The following KCNIP3 variants were observed in gnomAD, a reference collection of about 807,000 sequenced individuals.
The protein encoded by KCNIP3 is potassium voltage-gated channel interacting protein 3, also known as calsenilin.
KCNIP3 carries 28 observed loss-of-function variants against 35.0 expected under a neutral mutation model. The observed-to-expected ratio is 0.80, with a 90% confidence interval of 0.59 to 1.10. The LOEUF (loss-of-function observed/expected upper bound fraction) is 1.10, where lower values mean the gene tolerates loss of function less well. Ranked by LOEUF, KCNIP3 falls within the 50% of genes least tolerant of loss-of-function variation. KCNIP3 has a pLI of 0.00. For missense variants in KCNIP3, 295 were observed against 338.4 expected, an observed-to-expected ratio of 0.87 and a Z score of 1.01; for synonymous variants, 134 against 133.8, an observed-to-expected ratio of 1.00 and a Z score of -0.01.
Position 95,378,625 on chromosome 2 carries a change from A to AGGCC in KCNIP3, c.448-2971_448-2970insGGCC, listed in dbSNP as rs1232126617. Among the ~76,000 whole-genome samples, 1 of 151,646 alleles carries AGGCC rather than the reference A, an allele frequency of 6.6e-6. No homozygotes were observed. The highest frequency in any genetic ancestry group is 1.5e-5 in the Non-Finnish European group (1 of 67,924). On this transcript the variant is annotated intron_variant, in intron 5 of 8. Coordinates refer to ENST00000295225, the MANE Select transcript of KCNIP3 (RefSeq NM_013434.5). The surrounding 1 kb of genome is among the most constrained non-coding windows in gnomAD (Gnocchi z 4.0). ...GCTGGGCATGGTGGCGGGTGCCTAT[A>AGGCC]ATTCCAGCTGCTTGGGAGGCTGAGG... is the stretch of plus-strand genomic sequence containing the variant.
intron 2 of KCNIP3, among the ~76,000 whole-genome samples, chr2:95,334,766 G>C (rs185580970): frequency 5.9e-5 from 9 of 152,330 alleles, no homozygotes; most frequent in Admixed American, 5.9e-4. Context: ...AGCAGGGTGA[G>C]GGGCTCACAG....
chr2:95,374,328 G>C lies in KCNIP3; in HGVS notation c.214G>C (p.Val72Leu). 2 of 1,614,126 alleles carry C rather than the reference G, an allele frequency of 1.2e-6. No individual in the cohort carries two copies. The highest frequency in any genetic ancestry group is 1.7e-6 in the Non-Finnish European group (2 of 1,179,984). Residue 72 changes from valine (V) to leucine (L), a missense_variant, in exon 3 of 9, where the codon GTG becomes CTG. By Grantham distance (32) the Val-to-Leu change is conservative. Coordinates refer to ENST00000295225, the MANE Select transcript of KCNIP3 (RefSeq NM_013434.5). ...CGACAGTGAGCTGGAGCTGTCCACG[G>C]TGCGCCACCAGCCAGAGGGGCTGGA... Reference protein sequence around the residue: ...SSDSELELSTVRHQPEGLDQL... With the variant: ...SSDSELELSTLRHQPEGLDQL...
chr2:95,325,665 TCATACACATACACA>T (rs1678725266), intron 2 of KCNIP3, among the ~76,000 whole-genome samples: 1 of 133,642 alleles, frequency 7.5e-6, no homozygotes, highest in Admixed American at 8.0e-5. Flanking sequence ...AGATACACAC[TCATACACATACACA>T]CTCATACACA....
At chr2:95,327,767 C>T (rs1678831460) in intron 2 of KCNIP3, among the ~76,000 whole-genome samples, 1 of 152,186 alleles carries the variant, frequency 6.6e-6, no homozygotes, top group Non-Finnish European at 1.5e-5. Context: ...TCTGTTTGTC[C>T]ATCTATCCGT....
At chr2:95,380,971 C>T (rs1156684956) in intron 5 of KCNIP3, among the ~76,000 whole-genome samples, 1 of 152,236 alleles carries the variant, frequency 6.6e-6, no homozygotes, top group Non-Finnish European at 1.5e-5. Context: ...ATGATGGCGA[C>T]TGGTGACAGT....
At chr2:95,361,939 T>C (rs973289690) in intron 2 of KCNIP3, among the ~76,000 whole-genome samples, 2 of 152,110 alleles carry the variant, frequency 1.3e-5, no homozygotes, top group African/African-American at 4.8e-5. Context: ...CAGAAATGTA[T>C]TTTCTCCCAG....
At position 95,371,234 on chromosome 2, in the gene KCNIP3, C is replaced by A. The variant is rs72821419; in HGVS notation, c.182-3062C>A. 3.3e-3 allele frequency among the ~76,000 whole-genome samples: 502 copies of A among 152,222 alleles called. 6 individuals carry two copies. Among genetic ancestry groups the A allele is most frequent in the Non-Finnish European group, 5.3e-3 (363 of 68,028 alleles). On this transcript the variant is annotated intron_variant, in intron 2 of 8. Transcript: ENST00000295225. ...AAAGGAATTGAAAGCAATAAATTTC[C>A]CTGTCAGCCCAGCTTTACCTGCATC... is the stretch of plus-strand genomic sequence containing the variant.
intron 2 of KCNIP3, chr2:95,311,054 G>C (rs1678301861): frequency 6.0e-6 from 1 of 166,544 alleles, no homozygotes; most frequent in Non-Finnish European, 1.3e-5. Context: ...CATTCTGGTG[G>C]TGTGTTAACG....
chr2:95,351,062 A>G (rs1217719807), intron 2 of KCNIP3, among the ~76,000 whole-genome samples: 1 of 152,212 alleles, frequency 6.6e-6, no homozygotes, highest in African/African-American at 2.4e-5. Flanking sequence ...CTTGGTAGAA[A>G]TGCATCTTCA....
intron 1 of KCNIP3, among the ~76,000 whole-genome samples, chr2:95,299,480 C>CA (rs1454712685): frequency 6.6e-6 from 1 of 152,230 alleles, no homozygotes; most frequent in Non-Finnish European, 1.5e-5. Flanking sequence ...GCCTACTCCC[C>CA]AGCCATTCAT....
intron 2 of KCNIP3, among the ~76,000 whole-genome samples, chr2:95,356,952 G>A (rs377092185): frequency 2.4e-4 from 36 of 152,286 alleles, no homozygotes; most frequent in East Asian, 2.3e-3. Flanking sequence ...TCTTCATCCC[G>A]TGCCCTGTAG....
intron 5 of KCNIP3, among the ~76,000 whole-genome samples, chr2:95,375,534 T>G (rs1680163132): frequency 2.0e-5 from 3 of 152,010 alleles, no homozygotes; most frequent in Admixed American, 2.0e-4. Flanking sequence ...GGATCAGGGC[T>G]TAACTCAGAG....
chr2:95,368,741 C>A, intron 2 of KCNIP3: 1 of 245,934 alleles, frequency 4.1e-6, no homozygotes, highest in South Asian at 7.9e-5. Context: ...CACTTTGTCT[C>A]CTTCCTGACT....
chr2:95,379,558 T>G (rs1381508904), intron 5 of KCNIP3, among the ~76,000 whole-genome samples: 1 of 152,250 alleles, frequency 6.6e-6, no homozygotes, highest in African/African-American at 2.4e-5. Flanking sequence ...CTCTGTGTGT[T>G]CAGGGGCTTA....
chr2:95,367,792 G>T (rs1210803374), intron 2 of KCNIP3, among the ~76,000 whole-genome samples: 1 of 135,754 alleles, frequency 7.4e-6, no homozygotes, highest in African/African-American at 2.8e-5. Context: ...ATGGAGTCTC[G>T]CTCTTGTTTC....
Position 95,384,041 on chromosome 2 carries a change from G to A in KCNIP3, c.763G>A (p.Val255Ile), listed in dbSNP as rs143143467. 3 of 1,613,820 alleles carry A rather than the reference G, an allele frequency of 1.9e-6. No homozygotes were observed. In the African/African-American group the frequency reaches 4.0e-5, roughly 22 times the overall value. The change falls in exon 9 of 9, where the codon GTC (valine) becomes ATC (isoleucine). Residue 255 changes from valine to isoleucine, a missense_variant. Val to Ile is a conservative substitution (Grantham distance 29). Transcript: ENST00000295225. ...GAGCTCCATGCAGCTGTTTGAGAATGTCATCTAGGACACGTCCAAAGGAGT... is the reference window on the plus strand; with the variant it reads ...GAGCTCCATGCAGCTGTTTGAGAATATCATCTAGGACACGTCCAAAGGAGT... Reference protein sequence around the residue: ...IMSSMQLFENVI With the variant: ...IMSSMQLFENII
Position 95,378,506 on chromosome 2 carries a change from G to A in KCNIP3, c.448-3090G>A, listed in dbSNP as rs1398927429. ...TCCCAGCACTTTGAGAGGCCAAGGCGGTCAGATCACCTGAGGTCAGGAGTT... is the reference window on the plus strand; with the variant it reads ...TCCCAGCACTTTGAGAGGCCAAGGCAGTCAGATCACCTGAGGTCAGGAGTT... On this transcript the variant is annotated intron_variant, in intron 5 of 8. Coordinates refer to ENST00000295225, the MANE Select transcript of KCNIP3 (RefSeq NM_013434.5). The surrounding 1 kb of genome is among the most constrained non-coding windows in gnomAD (Gnocchi z 4.0). Among the ~76,000 whole-genome samples, 3 of 151,814 alleles carry A rather than the reference G, an allele frequency of 2.0e-5. No homozygotes were observed. The highest frequency in any genetic ancestry group is 2.1e-4 in the South Asian group (1 of 4,786).
chr2:95,341,047 G>T (rs1364544434), intron 2 of KCNIP3, among the ~76,000 whole-genome samples: 2 of 152,206 alleles, frequency 1.3e-5, no homozygotes, highest in Non-Finnish European at 2.9e-5. Context: ...TTCAACGGTG[G>T]TATGGTTTGG....
intron 2 of KCNIP3, among the ~76,000 whole-genome samples, chr2:95,321,019 A>C (rs1573487930): frequency 3.0e-5 from 2 of 66,742 alleles, no homozygotes; most frequent in African/African-American, 1.3e-4. Context: ...CCTGACCCCC[A>C]GCCTCTCCTC....
Sources: allele counts gnomAD v4.1 joint callset (sites outside exome capture counted in the v4.1 genomes callset), GRCh38; gene constraint gnomAD v4.1.1; non-coding constraint Gnocchi (gnomAD v3.1); transcripts MANE v1.5; gene names NCBI Gene and HGNC (gene_info 2026-07-23, HGNC 2026-07-21).